The following CAMK1D variants were observed in gnomAD, a reference collection of about 807,000 sequenced individuals.
CAMK1D encodes the protein calcium/calmodulin dependent protein kinase ID.
A neutral mutation model predicts 47.7 loss-of-function variants in CAMK1D; 9 were observed. The observed-to-expected ratio is 0.19, with a 90% CI of 0.11 to 0.33. The LOEUF (loss-of-function observed/expected upper bound fraction) is 0.33. Among genes scored for constraint, CAMK1D ranks in the 10% least tolerant of loss-of-function variants. CAMK1D has a pLI of 1.00. For missense variants in CAMK1D, 291 were observed against 488.7 expected (o/e 0.60, Z 3.81); for synonymous variants, 184 against 184.9 (o/e 0.99, Z 0.04).
chr10:12,553,690 C>T (rs1159097281), intron 2 of CAMK1D, among the ~76,000 whole-genome samples: 1 of 152,150 alleles, frequency 6.6e-6, no homozygotes. Flanking sequence ...GAGTTACCGG[C>T]GTCTCCCTGG....
intron 3 of CAMK1D, among the ~76,000 whole-genome samples, chr10:12,740,195 G>A (rs1393388034): frequency 1.3e-5 from 2 of 152,114 alleles, no homozygotes; most frequent in Non-Finnish European, 2.9e-5. Flanking sequence ...GTGTAGCTGC[G>A]TGGAAAGGCA....
intron 2 of CAMK1D, among the ~76,000 whole-genome samples, chr10:12,639,409 C>T (rs919652827): frequency 1.3e-5 from 2 of 152,276 alleles, no homozygotes; most frequent in East Asian, 1.9e-4. Context: ...CACTTGAACC[C>T]GCGAGGCGGA....
At chr10:12,545,628 C>T (rs185902143) in intron 1 of CAMK1D, among the ~76,000 whole-genome samples, 76 of 151,290 alleles carry the variant, frequency 5.0e-4, no homozygotes, top group African/African-American at 1.7e-3. Context: ...GGTGAAACCC[C>T]GTCTCTACTA....
intron 3 of CAMK1D, among the ~76,000 whole-genome samples, chr10:12,749,557 TG>T (rs1184987240): frequency 1.6e-5 from 2 of 123,314 alleles, no homozygotes; most frequent in Admixed American, 1.5e-4. Flanking sequence ...GTTTTTTGTT[TG>T]TTTGTTTGTT....
chr10:12,593,085 A>G (rs920997965), intron 2 of CAMK1D, among the ~76,000 whole-genome samples: 2 of 152,238 alleles, frequency 1.3e-5, no homozygotes, highest in African/African-American at 2.4e-5. Context: ...TGCAGGCCAT[A>G]TAGGCAACTA....
At chr10:12,774,848 G>A (rs1005667970) in intron 5 of CAMK1D, among the ~76,000 whole-genome samples, 1 of 152,256 alleles carries the variant, frequency 6.6e-6, no homozygotes, top group African/African-American at 2.4e-5. Flanking sequence ...GATGATCTGA[G>A]GTGGAACAGT....
chr10:12,812,953 A>C (rs1335935795), intron 6 of CAMK1D, among the ~76,000 whole-genome samples: 1 of 152,230 alleles, frequency 6.6e-6, no homozygotes, highest in Non-Finnish European at 1.5e-5. Context: ...TTTTGGTCCA[A>C]AAAAATGCAT....
chr10:12,379,247 G>T (rs1007524109), intron 1 of CAMK1D, among the ~76,000 whole-genome samples: 2 of 152,186 alleles, frequency 1.3e-5, no homozygotes. Context: ...GTCTCTGGAC[G>T]AATATAACGC....
chr10:12,585,923 A>G (rs1837803693), intron 2 of CAMK1D, among the ~76,000 whole-genome samples: 1 of 152,146 alleles, frequency 6.6e-6, no homozygotes, highest in African/African-American at 2.4e-5. Context: ...TCATTGGCTG[A>G]TGTGCTCTGT....
intron 6 of CAMK1D, among the ~76,000 whole-genome samples, chr10:12,811,873 G>C (rs969179796): frequency 1.3e-5 from 2 of 152,218 alleles, no homozygotes; most frequent in Non-Finnish European, 2.9e-5. Context: ...GACCCATCTT[G>C]GGGCTCCGGG....
chr10:12,368,561 C>T (rs1468143403), intron 1 of CAMK1D, among the ~76,000 whole-genome samples: 2 of 152,018 alleles, frequency 1.3e-5, no homozygotes, highest in African/African-American at 2.4e-5. Context: ...TCTTCTCTCA[C>T]ATTTAAGTGG....
At chr10:12,574,329 C>A (rs1231905582) in intron 2 of CAMK1D, among the ~76,000 whole-genome samples, 1 of 151,350 alleles carries the variant, frequency 6.6e-6, no homozygotes, top group African/African-American at 2.4e-5. Flanking sequence ...TGAGTTGGAG[C>A]CTTGTTCTGT....
At chr10:12,820,159 C>T (rs565425318) in intron 8 of CAMK1D, among the ~76,000 whole-genome samples, 2 of 152,308 alleles carry the variant, frequency 1.3e-5, no homozygotes, top group African/African-American at 4.8e-5. Flanking sequence ...CCTGCCTCAG[C>T]CTCCCAAGTA....
At chr10:12,457,262 G>T (rs753049803) in intron 1 of CAMK1D, among the ~76,000 whole-genome samples, 1 of 151,920 alleles carries the variant, frequency 6.6e-6, no homozygotes, top group Non-Finnish European at 1.5e-5. Context: ...GTGGTGGCAC[G>T]TGCCTGTAAT....
At chr10:12,704,844 A>G (rs1222127213) in intron 3 of CAMK1D, among the ~76,000 whole-genome samples, 1 of 152,102 alleles carries the variant, frequency 6.6e-6, no homozygotes, top group Non-Finnish European at 1.5e-5. Context: ...AAGATCACTT[A>G]TTTTTCTTTT....
At chr10:12,694,476 A>C (rs1300518461) in intron 3 of CAMK1D, among the ~76,000 whole-genome samples, 4 of 119,408 alleles carry the variant, frequency 3.3e-5, no homozygotes, top group African/African-American at 1.3e-4. Flanking sequence ...TCATATATAA[A>C]ATATATATGA....
intron 2 of CAMK1D, among the ~76,000 whole-genome samples, chr10:12,588,868 G>GTGTA (rs1197881627): frequency 7.2e-6 from 1 of 138,850 alleles, no homozygotes; most frequent in Non-Finnish European, 1.5e-5. Flanking sequence ...ATGTATATAT[G>GTGTA]TGTGTGTGTG....
intron 1 of CAMK1D, among the ~76,000 whole-genome samples, chr10:12,426,699 C>G (rs560732169): frequency 6.6e-6 from 1 of 152,074 alleles, no homozygotes; most frequent in South Asian, 2.1e-4. Flanking sequence ...CAGGTGCGTG[C>G]CACCACACCC....
At chr10:12,676,427 C>A (rs1840811743) in intron 3 of CAMK1D, among the ~76,000 whole-genome samples, 1 of 152,228 alleles carries the variant, frequency 6.6e-6, no homozygotes, top group Non-Finnish European at 1.5e-5. Flanking sequence ...CTTTCTTTCT[C>A]TCTGTAGCAC....
Sources: gnomAD v4.1 joint callset for allele counts (sites outside exome capture counted in the v4.1 genomes callset) on GRCh38, gnomAD v4.1.1 for gene constraint, MANE v1.5 for transcripts, NCBI Gene and HGNC (gene_info 2026-07-23, HGNC 2026-07-21) for gene names.